Variants in COPS7B observed in about 807,000 individuals in gnomAD.
COPS7B encodes COP9 signalosome complex subunit 7b.
COPS7B carries 9 observed loss-of-function variants against 33.4 expected under a neutral mutation model. That is an observed-to-expected ratio of 0.27 (90% CI 0.16 to 0.47). The LOEUF (loss-of-function observed/expected upper bound fraction) is 0.47. Ranked by LOEUF, COPS7B falls within the 20% of genes least tolerant of loss-of-function variation. The probability of loss-of-function intolerance (pLI) is 0.99; values close to 1 mark genes in which losing one functional copy is unlikely to be tolerated. For missense variants in COPS7B, 242 were observed against 318.2 expected (o/e 0.76, Z 1.82); for synonymous variants, 119 against 126.3 (o/e 0.94, Z 0.39).
At chr2:231,805,913 TG>T (rs754208925) in intron 6 of COPS7B, among the ~76,000 whole-genome samples, 68 of 151,990 alleles carry the variant, frequency 4.5e-4, no homozygotes, top group Non-Finnish European at 8.4e-4. Flanking sequence ...CCTCCCAAAG[TG>T]CTAGAAGTAT....
intron 1 of COPS7B, among the ~76,000 whole-genome samples, chr2:231,787,868 G>A (rs1379504667): frequency 6.6e-6 from 1 of 152,158 alleles, no homozygotes; most frequent in South Asian, 2.1e-4. Context: ...CGGTGCCTCT[G>A]TGTATAGGCA....
At position 231,808,796 on chromosome 2, in the gene COPS7B, G is replaced by GGGGTGTGT. The variant is rs1553564817; in HGVS notation, c.*1153_*1160dup. 2 of 50,500 alleles carry GGGGTGTGT rather than the reference G, an allele frequency of 4.0e-5. No individual in the cohort carries two copies. The highest frequency in any genetic ancestry group is 2.8e-4 in the African/African-American group (2 of 7,082). 3.1% of individuals were successfully genotyped at this position (50,500 alleles called of 1,614,324 possible). A position where few individuals can be genotyped will look rare whatever the true frequency, so the allele number is the denominator to read the frequency against. On this transcript the variant is annotated 3_prime_UTR_variant, in exon 7 of 7. Coordinates refer to ENST00000350033, the MANE Select transcript of COPS7B (RefSeq NM_022730.4). ...CCTGGTTGGAGGGTGGGGGTGGGGT[G>GGGGTGTGT]GGGTGTGTGTGTGTGTGTGTGTGTG...
rs1290589808 is a variant in COPS7B, at chr2:231,807,652, C to G, written c.*7C>G. 1 of 1,547,148 alleles carries G rather than the reference C, an allele frequency of 6.5e-7. No individual in the cohort carries two copies. Among genetic ancestry groups the G allele is most frequent in the Non-Finnish European group, 8.7e-7 (1 of 1,145,496 alleles). On this transcript the variant is annotated 3_prime_UTR_variant, in exon 7 of 7. Transcript: ENST00000350033. ...GGTCTCCAGCCGCCACTAGGGCCGG[C>G]TGGGGCAGCTGGCACTCACCAGGCC...
chr2:231,786,241 C>T (rs1172718245), upstream of COPS7B: 6 of 161,652 alleles, frequency 3.7e-5, no homozygotes, highest in Middle Eastern at 3.0e-3. Context: ...CCGCATTCCT[C>T]TCCTTGGGCC....
Position 231,796,141 on chromosome 2 carries a change from G to C in COPS7B, c.363G>C (p.Glu121Asp). ...ACTCCGTGTTGCTGAAAGACCTGGAGATGCGGAATCTCCGGGAACTAGAAG... is the reference window on the plus strand; with the variant it reads ...ACTCCGTGTTGCTGAAAGACCTGGACATGCGGAATCTCCGGGAACTAGAAG... ...IPYSVLLKDL[E>D]MRNLRELEDL... Residue 121 changes from glutamate (E) to aspartate (D), a missense_variant, in exon 5 of 7, where the codon GAG becomes GAC. Transcript: ENST00000350033. The C allele has an allele frequency of 1.2e-6, 2 of 1,614,120 alleles. No individual in the cohort carries two copies. Among genetic ancestry groups the C allele is most frequent in the Non-Finnish European group, 1.7e-6 (2 of 1,179,996 alleles).
intron 6 of COPS7B, among the ~76,000 whole-genome samples, chr2:231,802,030 C>G (rs2049765446): frequency 6.6e-6 from 1 of 152,184 alleles, no homozygotes. Context: ...CTGCCTCGGT[C>G]TCCCAAAGTG....
Position 231,807,832 on chromosome 2 carries a change from C to T in COPS7B, c.*187C>T, listed in dbSNP as rs1025920811. On this transcript the variant is annotated 3_prime_UTR_variant, in exon 7 of 7. Transcript: ENST00000350033. ...TCCCCCTCACCCACTCCCTCCTTCCCCAGTTGTTCCCTTCAGACTCAGGGG... is the reference window on the plus strand; with the variant it reads ...TCCCCCTCACCCACTCCCTCCTTCCTCAGTTGTTCCCTTCAGACTCAGGGG... 5.5e-6 allele frequency: 3 copies of T among 546,464 alleles called. No homozygotes were observed. The highest frequency in any genetic ancestry group is 1.9e-5 in the African/African-American group (1 of 51,882). 33.9% of individuals were successfully genotyped at this position (546,464 alleles called of 1,614,324 possible). A position where few individuals can be genotyped will look rare whatever the true frequency, so the allele number is the denominator to read the frequency against.
At chr2:231,801,266 C>T (rs188484063) in intron 6 of COPS7B, 153 of 1,544,842 alleles carry the variant, frequency 9.9e-5, no homozygotes, top group East Asian at 2.4e-4. Flanking sequence ...CACAGACTGC[C>T]GAAGAATATT....
upstream of COPS7B, chr2:231,781,964 GT>G: frequency 7.2e-7 from 1 of 1,395,652 alleles, no homozygotes; most frequent in East Asian, 2.5e-5. Context: ...GTGCTTGTTT[GT>G]TGGTCTGAGG....
upstream of COPS7B, chr2:231,781,830 G>T (rs1299998781): frequency 1.3e-6 from 2 of 1,550,812 alleles, no homozygotes; most frequent in South Asian, 2.4e-5. Context: ...GAAGATGACA[G>T]CCCGCAGAGA....
chr2:231,807,767 C>T lies in COPS7B; in HGVS notation c.*122C>T, dbSNP rs1053526253. The T allele has an allele frequency of 2.4e-6, 2 of 839,742 alleles. No homozygotes were observed. The highest frequency in any genetic ancestry group is 3.0e-5 in the Admixed American group (1 of 33,838). 52.0% of individuals were successfully genotyped at this position (839,742 alleles called of 1,614,324 possible). On this transcript the variant is annotated 3_prime_UTR_variant, in exon 7 of 7. Transcript: ENST00000350033. ...AGACCTGCCCGTCCCCTCACCAGCGCCTCCCCACCCTGTTGGTACTGTTCC... is the reference window on the plus strand; with the variant it reads ...AGACCTGCCCGTCCCCTCACCAGCGTCTCCCCACCCTGTTGGTACTGTTCC...
intron 6 of COPS7B, among the ~76,000 whole-genome samples, chr2:231,802,916 G>A (rs866741382): frequency 6.6e-6 from 1 of 152,232 alleles, no homozygotes; most frequent in African/African-American, 2.4e-5. Flanking sequence ...CAGTGTGAGG[G>A]CCATGGCCCT....
chr2:231,785,061 T>C (rs939716828), upstream of COPS7B, among the ~76,000 whole-genome samples: 1 of 152,238 alleles, frequency 6.6e-6, no homozygotes, highest in African/African-American at 2.4e-5. Context: ...TCTGCCCACC[T>C]TGGCCTCCCA....
Position 231,796,377 on chromosome 2 carries a change from C to T in COPS7B, c.530+69C>T, listed in dbSNP as rs951913357. ...GCCTCTCCTTGCAAAAATGTGATTC[C>T]CTGGTGTCAGCTGAGGGTTTGGGGT... On this transcript the variant is annotated intron_variant, in intron 5 of 6. Coordinates refer to ENST00000350033, the MANE Select transcript of COPS7B (RefSeq NM_022730.4). 1.1e-5 allele frequency: 16 copies of T among 1,463,464 alleles called. No homozygotes were observed. The African/African-American group carries it at 1.7e-4, about 15-fold the overall frequency. 90.7% of individuals were successfully genotyped at this position (1,463,464 alleles called of 1,614,324 possible).
chr2:231,798,968 A>G lies in COPS7B; in HGVS notation c.636+4A>G, dbSNP rs2049661805. 6.2e-7 allele frequency: 1 copy of G among 1,607,614 alleles called. No individual in the cohort carries two copies. Among genetic ancestry groups the G allele is most frequent in the African/African-American group, 1.3e-5 (1 of 74,798 alleles). On this transcript the variant is annotated splice_donor_region_variant and intron_variant, in intron 6 of 6. Transcript: ENST00000350033. ...TCAGCAGCAGGTAGAAGCAGAGGTA[A>G]GGAAGGAAAGGAACATTTGTTTCTC...
At position 231,788,785 on chromosome 2, in the gene COPS7B, C is replaced by T; in HGVS notation, c.162+53C>T. ...TTTATTCTAAGACTCTGTAATTCTC[C>T]AGGTTTCCAAAGAATTTCAGTGCTG... On this transcript the variant is annotated intron_variant, in intron 2 of 6. Transcript: ENST00000350033. The T allele has an allele frequency of 3.2e-6, 5 of 1,545,866 alleles. No individual in the cohort carries two copies. The South Asian group carries it at 5.9e-5, about 18-fold the overall frequency.
intron 4 of COPS7B, among the ~76,000 whole-genome samples, chr2:231,794,919 ATTTTTTTTTT>A (rs906484977): frequency 7.4e-6 from 1 of 135,842 alleles, no homozygotes; most frequent in Admixed American, 7.4e-5. Context: ...CGCCCGGCTA[ATTTTTTTTTT>A]TTTTTTTTGA....
intron 1 of COPS7B, among the ~76,000 whole-genome samples, chr2:231,787,906 A>G (rs1266840263): frequency 6.6e-6 from 1 of 152,184 alleles, no homozygotes; most frequent in Non-Finnish European, 1.5e-5. Context: ...ACCAGAATGT[A>G]TAAACGAGGT....
Position 231,794,357 on chromosome 2 carries a change from G to A in COPS7B, c.327+6G>A, listed in dbSNP as rs777374285. ...GCTTGGCATCAAGAATGAAGGTACG[G>A]TACTGAGCCTTCTCTTGTCTTCCTC... On this transcript the variant is annotated splice_donor_region_variant and intron_variant, in intron 4 of 6. Coordinates refer to ENST00000350033, the MANE Select transcript of COPS7B (RefSeq NM_022730.4). The A allele has an allele frequency of 1.2e-6, 2 of 1,611,028 alleles. No homozygotes were observed. The highest frequency in any genetic ancestry group is 1.7e-6 in the Non-Finnish European group (2 of 1,177,408).
Sources: allele counts gnomAD v4.1 joint callset (sites outside exome capture counted in the v4.1 genomes callset), GRCh38; gene constraint gnomAD v4.1.1; transcripts MANE v1.5; gene names NCBI Gene and HGNC (gene_info 2026-07-23, HGNC 2026-07-21).